GPD2: variants seen among roughly 807,000 people sequenced by gnomAD.
GPD2 encodes glycerol-3-phosphate dehydrogenase, mitochondrial.
GPD2 carries 54 observed loss-of-function variants against 82.4 expected under a neutral mutation model. The ratio of observed to expected loss-of-function variants is 0.66; its 90% CI spans 0.53 to 0.82. The LOEUF (loss-of-function observed/expected upper bound fraction) is 0.82. Ranked by LOEUF, GPD2 falls within the 40% of genes least tolerant of loss-of-function variation. The pLI is 0.00. For synonymous variants in GPD2, 288 were observed against 306.1 expected, an observed-to-expected ratio of 0.94 and a Z score of 0.62; for missense variants, 748 against 896.2, an observed-to-expected ratio of 0.83 and a Z score of 2.11.
chr2:156,439,553 A>C (rs2126457), intron 1 of GPD2, among the ~76,000 whole-genome samples: 6 of 135,960 alleles, frequency 4.4e-5, no homozygotes, highest in Admixed American at 1.5e-4. Context: ...AAAAAAAAAA[A>C]CAAGCCAGGC....
At chr2:156,549,565 C>T (rs375629524) in intron 6 of GPD2, 43 bp from the exon 7 acceptor site, 24 of 1,569,642 alleles carry the variant, frequency 1.5e-5, no homozygotes, top group African/African-American at 6.7e-5. Flanking sequence ...GTCTGTGGCT[C>T]GAGGTGACTC....
At chr2:156,566,956 C>T (rs555004886) in intron 9 of GPD2, among the ~76,000 whole-genome samples, 40 of 152,054 alleles carry the variant, frequency 2.6e-4, no homozygotes, top group African/African-American at 9.2e-4. Context: ...TTGCATTTCC[C>T]GAATCATTAG....
chr2:156,487,079 G>A (rs903971552), intron 2 of GPD2, among the ~76,000 whole-genome samples: 5 of 152,178 alleles, frequency 3.3e-5, no homozygotes, highest in African/African-American at 9.7e-5. Context: ...GCCAAGGCGG[G>A]CAGATCACCT....
intron 2 of GPD2, among the ~76,000 whole-genome samples, chr2:156,491,088 C>T (rs1684158790): frequency 6.6e-6 from 1 of 152,162 alleles, no homozygotes; most frequent in Non-Finnish European, 1.5e-5. Flanking sequence ...CTTTCATGCC[C>T]TTTGTAGTCA....
At chr2:156,560,575 T>G (rs1180498026) in intron 9 of GPD2, among the ~76,000 whole-genome samples, 1 of 152,186 alleles carries the variant, frequency 6.6e-6, no homozygotes, top group Admixed American at 6.5e-5. Context: ...ATAAACTTAC[T>G]CTTCAAAAAA....
chr2:156,439,413 T>G (rs545514568), intron 1 of GPD2, among the ~76,000 whole-genome samples: 27 of 146,886 alleles, frequency 1.8e-4, no homozygotes, highest in Non-Finnish European at 3.3e-4. Context: ...AAACCCCATC[T>G]TTACAAAAAA....
At position 156,535,430 on chromosome 2, in the gene GPD2, G is replaced by T. The variant is rs576793418; in HGVS notation, c.662-14178G>T. 4.8e-3 allele frequency among the ~76,000 whole-genome samples: 352 copies of T among 72,698 alleles called. 2 individuals carry two copies. The highest frequency in any genetic ancestry group is 8.8e-3 in the Non-Finnish European group (276 of 31,352). 47.7% of individuals were successfully genotyped at this position (72,698 alleles called of 152,430 possible). ...GAGAGAGAGACCTAGGAAAGAGAGG[G>T]GGGTGGGGAGAGAGAGAGAGAGAGA... On this transcript the variant is annotated intron_variant, in intron 6 of 16. Transcript: ENST00000438166.
chr2:156,428,368 C>T, the GPD2 span, among the ~76,000 whole-genome samples: 1 of 152,160 alleles, frequency 6.6e-6, no homozygotes, highest in Non-Finnish European at 1.5e-5. Context: ...TTTAGGAAGG[C>T]CACCTTTGTG....
At chr2:156,568,424 T>C (rs951819445) in intron 9 of GPD2, among the ~76,000 whole-genome samples, 4 of 152,130 alleles carry the variant, frequency 2.6e-5, no homozygotes, top group Non-Finnish European at 4.4e-5. Context: ...TGAGAAGAGA[T>C]AGGAAGATGT....
chr2:156,534,753 A>G (rs1189074778), intron 6 of GPD2, among the ~76,000 whole-genome samples: 1 of 152,128 alleles, frequency 6.6e-6, no homozygotes, highest in Non-Finnish European at 1.5e-5. Flanking sequence ...ACCATCTATA[A>G]GTCAGCTAAT....
At chr2:156,582,374 A>T (rs575244858) in intron 16 of GPD2, among the ~76,000 whole-genome samples, 1 of 152,056 alleles carries the variant, frequency 6.6e-6, no homozygotes, top group East Asian at 1.9e-4. Flanking sequence ...AAGTACAGTA[A>T]CATTAAAAAA....
At chr2:156,579,200 A>T in intron 15 of GPD2, 36 bp downstream of exon 15, 1 of 1,094,634 alleles carries the variant, frequency 9.1e-7, no homozygotes, top group African/African-American at 1.5e-5. Flanking sequence ...CTCTGATACT[A>T]GAAGAATATA....
chr2:156,577,340 A>C (rs1687860609), intron 13 of GPD2, among the ~76,000 whole-genome samples: 2 of 152,006 alleles, frequency 1.3e-5, no homozygotes, highest in South Asian at 2.1e-4. Flanking sequence ...AATAATAAAA[A>C]ATTAGCCAGG....
intron 6 of GPD2, among the ~76,000 whole-genome samples, chr2:156,517,737 A>G (rs1420318809): frequency 6.6e-6 from 1 of 152,158 alleles, no homozygotes; most frequent in African/African-American, 2.4e-5. Context: ...AGGGGTAGCC[A>G]GTTTTCTCAG....
intron 9 of GPD2, among the ~76,000 whole-genome samples, chr2:156,562,754 AT>A (rs1425993473): frequency 6.6e-6 from 1 of 152,132 alleles, no homozygotes; most frequent in Non-Finnish European, 1.5e-5. Context: ...ATCATACTTA[AT>A]TTTTTCAATT....
At chr2:156,536,523 A>G (rs1386420467) in intron 6 of GPD2, among the ~76,000 whole-genome samples, 1 of 152,232 alleles carries the variant, frequency 6.6e-6, no homozygotes, top group Non-Finnish European at 1.5e-5. Flanking sequence ...TGTTTTCTAT[A>G]GGCAGTAAGA....
intron 9 of GPD2, among the ~76,000 whole-genome samples, chr2:156,565,974 A>G (rs1210841306): frequency 1.3e-5 from 2 of 152,084 alleles, no homozygotes; most frequent in Non-Finnish European, 1.5e-5. Flanking sequence ...CAGGATGTTT[A>G]CTGTACAAAG....
intron 1 of GPD2, among the ~76,000 whole-genome samples, chr2:156,436,869 G>A (rs530168087): frequency 6.3e-4 from 96 of 152,190 alleles, no homozygotes; most frequent in Non-Finnish European, 6.3e-4. Flanking sequence ...CTGGAGGAGG[G>A]CTGAGGCTTC....
intron 6 of GPD2, among the ~76,000 whole-genome samples, chr2:156,524,018 T>C (rs1685514814): frequency 6.6e-6 from 1 of 152,200 alleles, no homozygotes; most frequent in Non-Finnish European, 1.5e-5. Flanking sequence ...CAGGGGCACA[T>C]GTACAGGTTT....
Sources: allele counts gnomAD v4.1 joint callset (sites outside exome capture counted in the v4.1 genomes callset), GRCh38; gene constraint gnomAD v4.1.1; transcripts MANE v1.5; gene names NCBI Gene and HGNC (gene_info 2026-07-23, HGNC 2026-07-21).